Variants in PPP2R1A observed in about 807,000 individuals in gnomAD.
PPP2R1A encodes the protein protein phosphatase 2 scaffold subunit Aalpha, also known as serine/threonine-protein phosphatase 2A 65 kDa regulatory subunit A alpha isoform.
A neutral mutation model predicts 67.1 loss-of-function variants in PPP2R1A; 15 were observed. The ratio of observed to expected loss-of-function variants is 0.22; its 90% CI spans 0.15 to 0.34. The LOEUF (loss-of-function observed/expected upper bound fraction) is 0.34, where lower values mean the gene tolerates loss of function less well. Among genes scored for constraint, PPP2R1A ranks in the 10% least tolerant of loss-of-function variants. The pLI, the probability that PPP2R1A is intolerant of heterozygous loss-of-function variation, is 1.00. For synonymous variants in PPP2R1A, 337 were observed against 325.0 expected (o/e 1.04, Z -0.40); for missense variants, 369 against 775.0 (o/e 0.48, Z 6.22).
rs761464078 is a variant in PPP2R1A, at chr19:52,212,454, G to A, written c.504-232G>A. The stretch of plus-strand genomic sequence containing the variant: ...TTAGCATTGACTAGATTTATTATGC[G>A]CAATCTGCGAAGTGTCTCACACACA... On this transcript the variant is annotated intron_variant, in intron 4 of 14. Transcript: ENST00000322088. The surrounding 1 kb of genome is among the most constrained non-coding windows in gnomAD (Gnocchi z 4.1). 5 of 550,380 alleles carry A rather than the reference G, an allele frequency of 9.1e-6. No individual in the cohort carries two copies. Among genetic ancestry groups the A allele is most frequent in the African/African-American group, 3.8e-5 (2 of 52,024 alleles). 34.1% of individuals were successfully genotyped at this position (550,380 alleles called of 1,614,324 possible).
Position 52,190,153 on chromosome 19 carries a change from AC to A in PPP2R1A, c.58del (p.Leu20SerfsTer112). The A allele has an allele frequency of 6.4e-7, 1 of 1,550,956 alleles. No homozygotes were observed. Among genetic ancestry groups the A allele is most frequent in the Non-Finnish European group, 8.7e-7 (1 of 1,146,756 alleles). ...LYPIAVLIDE[L>X]RNEDVQLRLN... The stretch of plus-strand genomic sequence containing the variant: ...ACCCCATCGCGGTGCTCATAGACGA[AC>A]TCCGCAATGAGGACGTTCAGGTCCG... On this transcript the variant is annotated frameshift_variant, in exon 1 of 15. Coordinates refer to ENST00000322088, the MANE Select transcript of PPP2R1A (RefSeq NM_014225.6). LOFTEE classifies it high-confidence loss of function.
At chr19:52,220,379 C>G (rs1978843566) in intron 11 of PPP2R1A, 130 bp downstream of exon 11, 1 of 956,916 alleles carries the variant, frequency 1.0e-6, no homozygotes. Flanking sequence ...TCGTATGGAC[C>G]AGCTCGCATG....
intron 2 of PPP2R1A, among the ~76,000 whole-genome samples, chr19:52,203,358 C>G (rs1023118639): frequency 6.6e-6 from 1 of 152,150 alleles, no homozygotes; most frequent in African/African-American, 2.4e-5. Flanking sequence ...GACTTGAAAG[C>G]TTTAGAATGC....
rs1346582677 is a variant in PPP2R1A, at chr19:52,226,786, TGA to T, written c.*809_*810del. ...GAGCTCAGTTTTGTATTGTGTAAAA[TGA>T]GAGTTACAGTAATACCTAGATTGCA... On this transcript the variant is annotated 3_prime_UTR_variant, in exon 15 of 15. Transcript: ENST00000322088. 1 of 153,424 alleles carries T rather than the reference TGA, an allele frequency of 6.5e-6. No homozygotes were observed. Among genetic ancestry groups the T allele is most frequent in the Non-Finnish European group, 1.5e-5 (1 of 68,750 alleles). The allele number at this position is 153,424 out of a possible 1,614,324, so 9.5% of individuals were successfully genotyped here. A position where few individuals can be genotyped will look rare whatever the true frequency, so the allele number is the denominator to read the frequency against.
In PPP2R1A at chr19:52,212,860, T is replaced by G. The variant is rs937547112; in HGVS notation, c.651+27T>G. ...TGAGTTTTGCTTCCTGGCCCTCTGC[T>G]CTCCCGTCCTTCTGGTGGTTCCTGC... On this transcript the variant is annotated intron_variant, in intron 5 of 14. Transcript: ENST00000322088. This position sits in a 1 kb window ranked among gnomAD's most constrained non-coding sequence, Gnocchi z 4.1. The G allele has an allele frequency of 1.3e-6, 2 of 1,578,118 alleles. No homozygotes were observed. The highest frequency in any genetic ancestry group is 1.7e-6 in the Non-Finnish European group (2 of 1,160,504).
Position 52,228,550 on chromosome 19 carries a change from A to T in PPP2R1A, c.*2569A>T, listed in dbSNP as rs1481493476. On this transcript the variant is annotated 3_prime_UTR_variant, in exon 15 of 15. Transcript: ENST00000322088. ...AGTGGTTCCTAATCTCCCAGGCTGC[A>T]GGCTTTGTTTGCTCCATACACCTGG... The T allele has an allele frequency of 6.6e-6, 1 of 152,186 alleles. No homozygotes were observed. Among genetic ancestry groups the T allele is most frequent in the Non-Finnish European group, 1.5e-5 (1 of 68,044 alleles). 9.4% of individuals were successfully genotyped at this position (152,186 alleles called of 1,614,324 possible). A position where few individuals can be genotyped will look rare whatever the true frequency, so the allele number is the denominator to read the frequency against.
In PPP2R1A at chr19:52,222,080, G is replaced by T; in HGVS notation, c.1519-19G>T. 6.3e-7 allele frequency: 1 copy of T among 1,594,104 alleles called. No individual in the cohort carries two copies. Among genetic ancestry groups the T allele is most frequent in the African/African-American group, 1.3e-5 (1 of 74,786 alleles). ...CCAGGAGCTTTGCATACTCACCCCTGCCACTCACTGGCCCCCAGGTGCTGT... is the reference window on the plus strand; with the variant it reads ...CCAGGAGCTTTGCATACTCACCCCTTCCACTCACTGGCCCCCAGGTGCTGT... On this transcript the variant is annotated intron_variant, in intron 12 of 14. Coordinates refer to ENST00000322088, the MANE Select transcript of PPP2R1A (RefSeq NM_014225.6).
chr19:52,223,470 T>C (rs1325452846), intron 13 of PPP2R1A, among the ~76,000 whole-genome samples: 6 of 152,158 alleles, frequency 3.9e-5, no homozygotes, highest in African/African-American at 1.4e-4. Flanking sequence ...TGGAGGAAGA[T>C]GTTTTAATAT....
At chr19:52,225,628 C>A in intron 13 of PPP2R1A, 89 bp from the exon 14 acceptor site, 1 of 1,193,920 alleles carries the variant, frequency 8.4e-7, no homozygotes, top group South Asian at 1.3e-5. Context: ...TGTCTGTGTA[C>A]ACTCTCTTGC....
At chr19:52,225,368 A>G (rs940933849) in intron 13 of PPP2R1A, among the ~76,000 whole-genome samples, 1 of 152,122 alleles carries the variant, frequency 6.6e-6, no homozygotes, top group Non-Finnish European at 1.5e-5. Flanking sequence ...TTATGGGGGT[A>G]TAGTAGTGTT....
chr19:52,221,212 C>A (rs2122365679), intron 12 of PPP2R1A, 79 bp downstream of exon 12: 1 of 1,560,058 alleles, frequency 6.4e-7, no homozygotes, highest in South Asian at 1.1e-5. Flanking sequence ...GAGGGTTCCC[C>A]AAGGGAGACA....
chr19:52,196,231 A>G (rs1184390033), intron 1 of PPP2R1A, among the ~76,000 whole-genome samples: 4 of 152,198 alleles, frequency 2.6e-5, no homozygotes, highest in Non-Finnish European at 2.9e-5. Flanking sequence ...TGGCCAGTCA[A>G]GGTTTCTGAA....
chr19:52,221,199 C>T, intron 12 of PPP2R1A, 66 bp downstream of exon 12: 2 of 1,592,026 alleles, frequency 1.3e-6, no homozygotes, highest in South Asian at 1.1e-5. Flanking sequence ...AGGAGGGATG[C>T]TAGAGGGTTC....
At chr19:52,200,520 A>G (rs1279366096) in intron 1 of PPP2R1A, 1 of 152,206 alleles carries the variant, frequency 6.6e-6, no homozygotes, top group Non-Finnish European at 1.5e-5. Flanking sequence ...GCTTGTTGTG[A>G]GATCTATTAT....
At chr19:52,198,390 T>C (rs17779691) in intron 1 of PPP2R1A, among the ~76,000 whole-genome samples, 18,852 of 152,154 alleles carry the variant, frequency 0.12, 1,342 homozygotes, top group East Asian at 0.22. Context: ...GCAGCCTGAT[T>C]GTCATGGGCC....
chr19:52,229,155 A>G lies in PPP2R1A; in HGVS notation c.*3174A>G, dbSNP rs1406235332. 1 of 128,380 alleles carries G rather than the reference A, an allele frequency of 7.8e-6. No homozygotes were observed. Among genetic ancestry groups the G allele is most frequent in the Non-Finnish European group, 1.6e-5 (1 of 60,680 alleles). 8.0% of individuals were successfully genotyped at this position (128,380 alleles called of 1,614,324 possible). On this transcript the variant is annotated 3_prime_UTR_variant, in exon 15 of 15. Coordinates refer to ENST00000322088, the MANE Select transcript of PPP2R1A (RefSeq NM_014225.6). ...GGTGGCATGAGGCATAAATTTAAAA[A>G]AATTGGTGTGGGCACAGTGGCTCGC...
rs779191751 is a variant in PPP2R1A at position 52,212,346 on chromosome 19, A to G, written c.504-340A>G. 3 of 280,768 alleles carry G rather than the reference A, an allele frequency of 1.1e-5. No individual in the cohort carries two copies. Among genetic ancestry groups the G allele is most frequent in the Non-Finnish European group, 1.4e-5 (2 of 146,772 alleles). 17.4% of individuals were successfully genotyped at this position (280,768 alleles called of 1,614,324 possible). A position where few individuals can be genotyped will look rare whatever the true frequency, so the allele number is the denominator to read the frequency against. The stretch of plus-strand genomic sequence containing the variant: ...GCAATCCTCCTGCCTTGGTCTTCCA[A>G]AGTGTTCAGATTACAGGTATGAGCC... On this transcript the variant is annotated intron_variant, in intron 4 of 14. Transcript: ENST00000322088. This position sits in a 1 kb window ranked among gnomAD's most constrained non-coding sequence, Gnocchi z 4.1.
chr19:52,222,047 A>G, intron 12 of PPP2R1A, 52 bp from the exon 13 acceptor site: 1 of 1,524,378 alleles, frequency 6.6e-7, no homozygotes, highest in Non-Finnish European at 8.9e-7. Flanking sequence ...GCAGGAAATG[A>G]GAGTTAGCCA....
At chr19:52,197,274 A>G (rs879775268) in intron 1 of PPP2R1A, among the ~76,000 whole-genome samples, 1 of 152,194 alleles carries the variant, frequency 6.6e-6, no homozygotes, top group African/African-American at 2.4e-5. Flanking sequence ...CATTTCTGCT[A>G]TTATACATAT....
Sources: allele counts gnomAD v4.1 joint callset (sites outside exome capture counted in the v4.1 genomes callset), GRCh38; gene constraint gnomAD v4.1.1; non-coding constraint Gnocchi (gnomAD v3.1); transcripts MANE v1.5; gene names NCBI Gene and HGNC (gene_info 2026-07-23, HGNC 2026-07-21).